Variants in AP3D1 observed in about 807,000 individuals in gnomAD.
AP3D1 encodes the protein adaptor related protein complex 3 subunit delta 1, also known as AP-3 complex subunit delta-1.
AP3D1 carries 51 observed loss-of-function variants against 147.6 expected under a neutral mutation model. The observed-to-expected ratio is 0.35, with a 90% CI of 0.28 to 0.44. The LOEUF (loss-of-function observed/expected upper bound fraction) is 0.44, where lower values mean the gene tolerates loss of function less well. Ranked by LOEUF, AP3D1 falls within the 20% of genes least tolerant of loss-of-function variation. The probability of loss-of-function intolerance (pLI) is 1.00; values close to 1 mark genes in which losing one functional copy is unlikely to be tolerated. For synonymous variants in AP3D1, 760 were observed against 663.0 expected (o/e 1.15, Z -2.25); for missense variants, 1,421 against 1,624.2 (o/e 0.87, Z 2.15).
intron 1 of AP3D1, among the ~76,000 whole-genome samples, chr19:2,160,004 C>T (rs1260828691): frequency 6.6e-6 from 1 of 152,116 alleles, no homozygotes; most frequent in Non-Finnish European, 1.5e-5. Flanking sequence ...GCATTAGCCA[C>T]TGCGCCTGGC....
chr19:2,130,656 C>T (rs1220883739), intron 5 of AP3D1, 119 bp from the exon 6 acceptor site: 6 of 1,463,256 alleles, frequency 4.1e-6, no homozygotes, highest in Middle Eastern at 2.3e-4. Flanking sequence ...TGTGGCTGCA[C>T]ACCAGTCCCA....
chr19:2,139,593 G>C (rs2019167298), intron 1 of AP3D1, among the ~76,000 whole-genome samples: 1 of 152,196 alleles, frequency 6.6e-6, no homozygotes, highest in Admixed American at 6.5e-5. Flanking sequence ...TGGCCCCAGA[G>C]ACAACCCACC....
At chr19:2,141,066 G>A (rs558885025) in intron 1 of AP3D1, among the ~76,000 whole-genome samples, 1 of 151,726 alleles carries the variant, frequency 6.6e-6, no homozygotes, top group East Asian at 1.9e-4. Flanking sequence ...GCCTGAATTA[G>A]AAAAAAAATG....
At chr19:2,156,069 A>G (rs1358597590), upstream of AP3D1, among the ~76,000 whole-genome samples, 3 of 151,632 alleles carry the variant, frequency 2.0e-5, no homozygotes, top group Admixed American at 6.6e-5. Flanking sequence ...AAAAAAAAAG[A>G]AAAAAGAAAA....
Position 2,109,132 on chromosome 19 carries a change from G to A in AP3D1, c.3426C>T (p.Ser1142=). 6.2e-7 allele frequency: 1 copy of A among 1,609,034 alleles called. No individual in the cohort carries two copies. Among genetic ancestry groups the A allele is most frequent in the Middle Eastern group, 1.7e-4 (1 of 6,036 alleles). The change falls in exon 30 of 32, where the codon TCC becomes TCT. Residue 1142 remains serine (S), a synonymous_variant. Coordinates refer to ENST00000643116, the MANE Select transcript of AP3D1 (RefSeq NM_001261826.3). Reference sequence around the variant, plus strand: ...AGATCTTCGCCAGAAGATTCTGGAAGGACATCCGAATGCCATCGACTTTGA... The same window carrying A: ...AGATCTTCGCCAGAAGATTCTGGAAAGACATCCGAATGCCATCGACTTTGA... ...SSIKVDGIRM[S]FQNLLAKICF...
In AP3D1 at chr19:2,161,769, C is replaced by T. The variant is rs546502242; in HGVS notation, c.-103+2587G>A. ...TTCGAGACCAGCCTGGCCAACATGG[C>T]GAGACCCTATCTCTACTAAAAATAC... is the stretch of plus-strand genomic sequence containing the variant. On this transcript the variant is annotated intron_variant, in intron 1 of 14. Coordinates refer to the AP3D1 transcript ENST00000643010. Among the ~76,000 whole-genome samples the T allele has an allele frequency of 3.3e-5, 5 of 151,792 alleles. No individual in the cohort carries two copies. In the East Asian group the frequency reaches 7.8e-4, roughly 24 times the overall value.
intron 22 of AP3D1, 111 bp from the exon 23 acceptor site, chr19:2,113,524 C>T (rs931026502): frequency 8.6e-6 from 5 of 579,206 alleles, no homozygotes; most frequent in Non-Finnish European, 1.4e-5. Context: ...CCCCAGGGTC[C>T]TGGACTAGCT....
At chr19:2,131,512 G>GTGCTTCCCAGGGAGGAAA in intron 5 of AP3D1, among the ~76,000 whole-genome samples, 46 of 122,560 alleles carry the variant, frequency 3.8e-4, no homozygotes, top group African/African-American at 1.4e-3. Flanking sequence ...CGAGGGGACA[G>GTGCTTCCCAGGGAGGAAA]GGCCCATCGG....
At chr19:2,160,535 CA>C (rs879514166) in intron 1 of AP3D1, among the ~76,000 whole-genome samples, 108 of 142,692 alleles carry the variant, frequency 7.6e-4, no homozygotes, top group South Asian at 4.2e-3. Flanking sequence ...TCCTCCGTCT[CA>C]AAAAAAAAAA....
At chr19:2,163,362 G>C (rs532145492) in intron 1 of AP3D1, among the ~76,000 whole-genome samples, 2 of 151,466 alleles carry the variant, frequency 1.3e-5, no homozygotes, top group South Asian at 2.1e-4. Flanking sequence ...GCATGAGCCA[G>C]GGCTCCTGGC....
At chr19:2,144,599 G>T (rs62128404) in intron 1 of AP3D1, among the ~76,000 whole-genome samples, 1 of 152,058 alleles carries the variant, frequency 6.6e-6, no homozygotes, top group Admixed American at 6.6e-5. Flanking sequence ...GGGGTGGCAC[G>T]GTCACCATTA....
chr19:2,106,653 T>C (rs1466336166), intron 31 of AP3D1, among the ~76,000 whole-genome samples: 1 of 152,018 alleles, frequency 6.6e-6, no homozygotes, highest in Non-Finnish European at 1.5e-5. Flanking sequence ...AGCCAGAAGG[T>C]GGGAGCAGCG....
chr19:2,117,975 CA>C (rs1312281092), intron 15 of AP3D1, among the ~76,000 whole-genome samples: 3 of 152,310 alleles, frequency 2.0e-5, no homozygotes, highest in East Asian at 3.9e-4. Flanking sequence ...GCCTGGCCAA[CA>C]AGGTGAAACT....
intron 11 of AP3D1, 112 bp from the exon 12 acceptor site, chr19:2,121,991 G>A: frequency 2.4e-6 from 3 of 1,254,652 alleles, no homozygotes; most frequent in Non-Finnish European, 3.3e-6. Flanking sequence ...GCCTGGCCTT[G>A]GCAACCTGGG....
chr19:2,160,211 AT>A (rs1423778663), intron 1 of AP3D1, among the ~76,000 whole-genome samples: 1 of 152,114 alleles, frequency 6.6e-6, no homozygotes, highest in Admixed American at 6.6e-5. Context: ...ACCAGAGGAA[AT>A]GGCTCAGGAA....
intron 22 of AP3D1, among the ~76,000 whole-genome samples, chr19:2,113,815 G>A (rs1405526455): frequency 2.6e-5 from 4 of 152,220 alleles, no homozygotes; most frequent in African/African-American, 9.7e-5. Context: ...TGCAGAAACG[G>A]TTCTGGAGCT....
intron 22 of AP3D1, 124 bp from the exon 23 acceptor site, chr19:2,113,537 G>A (rs1036256075): frequency 9.7e-6 from 5 of 517,672 alleles, no homozygotes; most frequent in South Asian, 7.9e-5. Context: ...GACTAGCTGG[G>A]CCTTGCAGAG....
At chr19:2,119,528 C>T (rs1599458318) in intron 14 of AP3D1, among the ~76,000 whole-genome samples, 1 of 151,726 alleles carries the variant, frequency 6.6e-6, no homozygotes, top group East Asian at 1.9e-4. Context: ...CCCATCTCTA[C>T]TAAAAAATGC....
chr19:2,134,985 G>A (rs1196194157), intron 4 of AP3D1, among the ~76,000 whole-genome samples: 1 of 152,102 alleles, frequency 6.6e-6, no homozygotes. Flanking sequence ...GATCACCTGA[G>A]GTCAGGAGTT....
Sources: gnomAD v4.1 joint callset for allele counts (sites outside exome capture counted in the v4.1 genomes callset) on GRCh38, gnomAD v4.1.1 for gene constraint, MANE v1.5 for transcripts, NCBI Gene and HGNC (gene_info 2026-07-23, HGNC 2026-07-21) for gene names.